Variants in DCDC1 observed in about 807,000 individuals in gnomAD.
DCDC1 encodes doublecortin domain containing 1, also known as doublecortin domain-containing protein 1.
DCDC1 carries 200 observed loss-of-function variants against 178.3 expected under a neutral mutation model. The observed-to-expected ratio is 1.12, with a 90% CI of 1.00 to 1.26. The LOEUF is 1.26. DCDC1 is among the 50% of genes most tolerant of loss of function. The probability of loss-of-function intolerance (pLI) is 0.00; values close to 1 mark genes in which losing one functional copy is unlikely to be tolerated. For missense variants in DCDC1, 1,983 were observed against 1,749.2 expected, an observed-to-expected ratio of 1.13 and a Z score of -2.38; for synonymous variants, 690 against 604.8, an observed-to-expected ratio of 1.14 and a Z score of -2.07.
At chr11:31,158,716 T>G (rs1420563163) in intron 9 of DCDC1, among the ~76,000 whole-genome samples, 3 of 152,210 alleles carry the variant, frequency 2.0e-5, no homozygotes, top group Non-Finnish European at 4.4e-5. Flanking sequence ...TTTTTTCATA[T>G]TCAAATATGC....
intron 35 of DCDC1, among the ~76,000 whole-genome samples, chr11:30,893,626 G>A (rs1036403084): frequency 2.0e-5 from 3 of 152,070 alleles, no homozygotes; most frequent in African/African-American, 7.2e-5. Context: ...ACCTTGACTT[G>A]GGCACGTGCC....
At chr11:31,299,524 T>C (rs1947944912) in intron 6 of DCDC1, among the ~76,000 whole-genome samples, 1 of 152,036 alleles carries the variant, frequency 6.6e-6, no homozygotes, top group African/African-American at 2.4e-5. Context: ...TAAAAGGCCT[T>C]GATTTTGACC....
At chr11:31,335,264 A>G (rs1305095565) in intron 2 of DCDC1, among the ~76,000 whole-genome samples, 183 bp downstream of exon 2, 1 of 152,190 alleles carries the variant, frequency 6.6e-6, no homozygotes, top group Non-Finnish European at 1.5e-5. Flanking sequence ...GGAAAAGCGC[A>G]GTATTTGGGC....
At chr11:31,355,721 C>T (rs1043390932) in intron 1 of DCDC1, among the ~76,000 whole-genome samples, 1 of 152,084 alleles carries the variant, frequency 6.6e-6, no homozygotes, top group African/African-American at 2.4e-5. Context: ...GCACCCACCA[C>T]CACGCCCGGC....
intron 36 of DCDC1, among the ~76,000 whole-genome samples, chr11:30,885,236 A>G (rs1264747166): frequency 6.7e-6 from 1 of 150,310 alleles, no homozygotes. Context: ...TTTACACCAG[A>G]AAAAGGAAAA....
intron 20 of DCDC1, among the ~76,000 whole-genome samples, chr11:30,983,847 T>C (rs1950506800): frequency 6.6e-6 from 1 of 152,064 alleles, no homozygotes; most frequent in Non-Finnish European, 1.5e-5. Flanking sequence ...AAATAAATTG[T>C]TGACAATTCT....
intron 20 of DCDC1, among the ~76,000 whole-genome samples, chr11:30,998,005 G>C (rs1032753931): frequency 4.6e-5 from 7 of 152,090 alleles, no homozygotes; most frequent in Admixed American, 1.3e-4. Flanking sequence ...AAAAAGAAAG[G>C]GGGTGGGGGC....
chr11:31,052,759 T>C (rs1030817092), intron 20 of DCDC1, among the ~76,000 whole-genome samples: 3 of 152,064 alleles, frequency 2.0e-5, no homozygotes, highest in South Asian at 4.1e-4. Context: ...GAAATCAAGA[T>C]GGAAATTTAA....
chr11:30,970,752 C>T (rs1043504628), intron 20 of DCDC1, among the ~76,000 whole-genome samples: 1 of 152,058 alleles, frequency 6.6e-6, no homozygotes. Flanking sequence ...CACAGCACAG[C>T]CACTGATCCT....
intron 7 of DCDC1, chr11:31,281,004 C>A (rs1476556404): frequency 5.7e-5 from 33 of 577,834 alleles, no homozygotes; most frequent in East Asian, 3.3e-4. Flanking sequence ...TTCCCTTTTT[C>A]GTCACAACGA....
chr11:31,020,793 A>G (rs1168945401), intron 20 of DCDC1, among the ~76,000 whole-genome samples: 1 of 152,162 alleles, frequency 6.6e-6, no homozygotes, highest in Non-Finnish European at 1.5e-5. Flanking sequence ...AAATCCAAGT[A>G]AACTTTTGCA....
At chr11:30,910,950 G>A (rs1478399076) in intron 28 of DCDC1, among the ~76,000 whole-genome samples, 2 of 152,154 alleles carry the variant, frequency 1.3e-5, no homozygotes, top group Admixed American at 1.3e-4. Context: ...ATAAACGGGA[G>A]CCTTGCATAT....
At chr11:31,161,008 G>T (rs1966271885) in intron 9 of DCDC1, among the ~76,000 whole-genome samples, 1 of 152,128 alleles carries the variant, frequency 6.6e-6, no homozygotes, top group South Asian at 2.1e-4. Flanking sequence ...TAGAAATGAT[G>T]AAATTCTATT....
At chr11:31,199,280 A>C (rs139473726) in intron 9 of DCDC1, among the ~76,000 whole-genome samples, 1 of 152,070 alleles carries the variant, frequency 6.6e-6, no homozygotes, top group Non-Finnish European at 1.5e-5. Context: ...TTTGTATTAC[A>C]TGCACTCAGA....
intron 7 of DCDC1, among the ~76,000 whole-genome samples, chr11:31,274,483 G>T (rs1240555167): frequency 1.3e-5 from 2 of 151,914 alleles, no homozygotes; most frequent in African/African-American, 2.4e-5. Flanking sequence ...AGATAAACTG[G>T]ATTTATCTGG....
At chr11:30,874,870 GTA>G (rs1314122662) in intron 38 of DCDC1, among the ~76,000 whole-genome samples, 1 of 152,184 alleles carries the variant, frequency 6.6e-6, no homozygotes, top group Non-Finnish European at 1.5e-5. Flanking sequence ...ACTGAAGCTT[GTA>G]TCTGCCTGCA....
intron 7 of DCDC1, among the ~76,000 whole-genome samples, chr11:31,277,898 G>A (rs1430709305): frequency 6.6e-6 from 1 of 151,942 alleles, no homozygotes; most frequent in East Asian, 1.9e-4. Flanking sequence ...ATTTACAAGA[G>A]CAAAAGTTTT....
chr11:31,153,222 G>T (rs547205785), intron 9 of DCDC1, among the ~76,000 whole-genome samples: 17 of 152,180 alleles, frequency 1.1e-4, no homozygotes, highest in African/African-American at 4.1e-4. Flanking sequence ...ATTACTATCT[G>T]GCTTCTCCCT....
At position 30,864,195 on chromosome 11, in the gene DCDC1, A is replaced by G. The variant is rs548790590; in HGVS notation, c.*1178T>C. On this transcript the variant is annotated 3_prime_UTR_variant, in exon 39 of 39. Coordinates refer to ENST00000684477, the MANE Select transcript of DCDC1 (RefSeq NM_001387274.1). ...TTCCAAAAGATTCTTAAAGAGCTAT[A>G]TAAACCAAATCAACTTGAGAACTGC... is the stretch of plus-strand genomic sequence containing the variant. 6.8e-4 allele frequency: 104 copies of G among 152,336 alleles called. No individual in the cohort carries two copies. The highest frequency in any genetic ancestry group is 2.5e-3 in the African/African-American group (102 of 41,582). 9.4% of individuals were successfully genotyped at this position (152,336 alleles called of 1,614,324 possible). A position where few individuals can be genotyped will look rare whatever the true frequency, so the allele number is the denominator to read the frequency against.
Sources: allele counts gnomAD v4.1 joint callset (sites outside exome capture counted in the v4.1 genomes callset), GRCh38; gene constraint gnomAD v4.1.1; transcripts MANE v1.5; gene names NCBI Gene and HGNC (gene_info 2026-07-23, HGNC 2026-07-21).